Variants in FIG4 observed in about 807,000 individuals in gnomAD.
The protein encoded by FIG4 is polyphosphoinositide phosphatase.
In FIG4, 112 loss-of-function variants were observed where a neutral mutation model predicts 118.6. The ratio of observed to expected loss-of-function variants is 0.94; its 90% CI spans 0.81 to 1.11. The LOEUF is 1.11. Among genes scored for constraint, FIG4 ranks in the 50% least tolerant of loss-of-function variants. FIG4 has a pLI of 0.00. For synonymous variants in FIG4, 369 were observed against 381.2 expected (o/e 0.97, Z 0.37); for missense variants, 969 against 1,111.7 (o/e 0.87, Z 1.83).
rs1167600065 is a variant in FIG4 at position 109,776,988 on chromosome 6, A to G, written c.1817A>G (p.His606Arg). The G allele has an allele frequency of 1.2e-6, 2 of 1,613,448 alleles. No homozygotes were observed. The highest frequency in any genetic ancestry group is 1.7e-6 in the Non-Finnish European group (2 of 1,179,452). The stretch of plus-strand genomic sequence containing the variant: ...TTCCATCCCACTGAAGGGAAACCTC[A>G]TCTCTGGGAGCTCCCAACAGATTTT... ...GVFHPTEGKP[H>R]LWELPTDFYL... Residue 606 changes from histidine (H) to arginine (R), a missense_variant, in exon 16 of 23, where the codon CAT becomes CGT. Around this residue, in one of 3 missense-constraint regions of FIG4, gnomAD observed 246 missense variants for 354.3 expected, o/e 0.69. Coordinates refer to ENST00000230124, the MANE Select transcript of FIG4 (RefSeq NM_014845.6).
intron 1 of FIG4, among the ~76,000 whole-genome samples, chr6:109,712,587 C>T (rs765931486): frequency 1.3e-5 from 2 of 152,100 alleles, no homozygotes; most frequent in Non-Finnish European, 2.9e-5. Context: ...TTTTTCAGTT[C>T]TATCAGGTCA....
chr6:109,715,365 C>T (rs191606561), intron 2 of FIG4, among the ~76,000 whole-genome samples, 189 bp downstream of exon 2: 58 of 152,206 alleles, frequency 3.8e-4, no homozygotes, highest in African/African-American at 1.3e-3. Context: ...TCAAGAAGTA[C>T]GCCAGAATTA....
At chr6:109,718,408 A>G (rs1447468026) in intron 3 of FIG4, among the ~76,000 whole-genome samples, 1 of 152,216 alleles carries the variant, frequency 6.6e-6, no homozygotes, top group Non-Finnish European at 1.5e-5. Context: ...GGACTTGACT[A>G]TGCTATATGT....
intron 6 of FIG4, among the ~76,000 whole-genome samples, chr6:109,736,567 T>C (rs1776164745): frequency 6.6e-6 from 1 of 152,160 alleles, no homozygotes; most frequent in Admixed American, 6.5e-5. Context: ...CAATTTGTAA[T>C]ACAAAAGCTG....
chr6:109,715,830 A>AT (rs1775412434), intron 2 of FIG4, among the ~76,000 whole-genome samples: 2 of 152,230 alleles, frequency 1.3e-5, no homozygotes, highest in Admixed American at 1.3e-4. Flanking sequence ...CTATTTCGGA[A>AT]TCCATAAAGA....
At chr6:109,809,919 G>A (rs1044226501) in intron 22 of FIG4, among the ~76,000 whole-genome samples, 2 of 152,122 alleles carry the variant, frequency 1.3e-5, no homozygotes, top group African/African-American at 4.8e-5. Context: ...AAGTGCCCAG[G>A]TTTTTCCATC....
intron 15 of FIG4, among the ~76,000 whole-genome samples, chr6:109,767,219 C>A (rs1382894679): frequency 6.6e-6 from 1 of 151,904 alleles, no homozygotes; most frequent in East Asian, 1.9e-4. Context: ...GGTGTTGAGT[C>A]ATTTTTTTAA....
chr6:109,731,306 A>T (rs555112207), intron 4 of FIG4, among the ~76,000 whole-genome samples: 1 of 152,202 alleles, frequency 6.6e-6, no homozygotes, highest in Non-Finnish European at 1.5e-5. Context: ...AATGCACGTT[A>T]TCTATAGTGC....
chr6:109,720,477 G>A (rs1775573212), intron 3 of FIG4, among the ~76,000 whole-genome samples: 1 of 152,172 alleles, frequency 6.6e-6, no homozygotes, highest in African/African-American at 2.4e-5. Flanking sequence ...TAGTACACAT[G>A]TCATGAGAAT....
Position 109,791,383 on chromosome 6 carries a change from A to G in FIG4, c.2188A>G (p.Ser730Gly), listed in dbSNP as rs770038830. The G allele has an allele frequency of 1.1e-5, 17 of 1,612,612 alleles. No homozygotes were observed. Among genetic ancestry groups the G allele is most frequent in the Non-Finnish European group, 1.4e-5 (16 of 1,179,850 alleles). ...ETGKSVLGNK[S>G]NREEAVLQRK... ...ATATTATTCTTTTAAAAGAAACAAA[A>G]GCAATAGAGAAGAAGCTGTATTACA... Residue 730 changes from serine to glycine, a missense_variant, in exon 20 of 23, where the codon AGC becomes GGC. Ser to Gly is a moderately conservative substitution (Grantham distance 56, BLOSUM62 0). Around this residue, in one of 3 missense-constraint regions of FIG4, gnomAD observed 330 missense variants for 348.1 expected, o/e 0.95. Transcript: ENST00000230124.
chr6:109,758,698 CA>C (rs1420227770), intron 10 of FIG4, among the ~76,000 whole-genome samples: 1 of 152,152 alleles, frequency 6.6e-6, no homozygotes, highest in Non-Finnish European at 1.5e-5. Flanking sequence ...AAAATTGTTG[CA>C]ATCTCTCCAT....
intron 10 of FIG4, among the ~76,000 whole-genome samples, chr6:109,758,330 C>A (rs530992880): frequency 1.3e-5 from 2 of 152,250 alleles, no homozygotes; most frequent in East Asian, 3.9e-4. Context: ...TGATCTTTGA[C>A]AAACTTGACA....
In FIG4 at chr6:109,789,377, C is replaced by T. The variant is rs78154984; in HGVS notation, c.2097-217C>T. 0.016 allele frequency among the ~76,000 whole-genome samples: 2,365 copies of T among 151,118 alleles called. 57 individuals carry two copies. Among genetic ancestry groups the T allele is most frequent in the East Asian group, 0.11 (543 of 5,146 alleles). On this transcript the variant is annotated intron_variant, in intron 18 of 22. Transcript: ENST00000230124. ...ATGGTTTTATGTCCCTATTGGGCCTCGTGATCATAGAGAATTCACAATTAA... is the reference window on the plus strand; with the variant it reads ...ATGGTTTTATGTCCCTATTGGGCCTTGTGATCATAGAGAATTCACAATTAA...
chr6:109,694,369 A>G (rs1774645113), intron 1 of FIG4, among the ~76,000 whole-genome samples: 1 of 152,208 alleles, frequency 6.6e-6, no homozygotes, highest in Non-Finnish European at 1.5e-5. Flanking sequence ...AATGGTGTTG[A>G]GAAAACTGGA....
intron 22 of FIG4, among the ~76,000 whole-genome samples, chr6:109,812,892 C>T (rs1778759599): frequency 6.6e-6 from 1 of 152,150 alleles, no homozygotes; most frequent in Admixed American, 6.5e-5. Flanking sequence ...AGATGCTGGG[C>T]ACTGGACAGG....
intron 22 of FIG4, among the ~76,000 whole-genome samples, chr6:109,813,390 G>T (rs969750281): frequency 6.6e-6 from 1 of 152,154 alleles, no homozygotes; most frequent in Non-Finnish European, 1.5e-5. Flanking sequence ...TCAAGTTTTT[G>T]CCAGTACTCC....
intron 7 of FIG4, among the ~76,000 whole-genome samples, chr6:109,739,195 A>C (rs1419081775): frequency 6.6e-6 from 1 of 152,090 alleles, no homozygotes; most frequent in Non-Finnish European, 1.5e-5. Flanking sequence ...AATAGATTAA[A>C]GAGAAGTAGG....
intron 21 of FIG4, 58 bp downstream of exon 21, chr6:109,792,722 TCTAA>T: frequency 1.1e-6 from 1 of 916,942 alleles, no homozygotes; most frequent in East Asian, 2.7e-5. Context: ...TACAGTAACT[TCTAA>T]CTACTATACC....
At chr6:109,779,205 T>C (rs531319637) in intron 16 of FIG4, among the ~76,000 whole-genome samples, 1 of 152,284 alleles carries the variant, frequency 6.6e-6, no homozygotes, top group Admixed American at 6.5e-5. Flanking sequence ...GTAAATATGG[T>C]TGATTTTCTG....
Sources: gnomAD v4.1 joint callset for allele counts (sites outside exome capture counted in the v4.1 genomes callset) on GRCh38, gnomAD v4.1.1 for gene constraint, gnomAD v4.1.1 regional missense constraint, MANE v1.5 for transcripts, NCBI Gene and HGNC (gene_info 2026-07-23, HGNC 2026-07-21) for gene names.